FOXN3: variants seen among roughly 807,000 people sequenced by gnomAD.
FOXN3 encodes forkhead box N3.
In FOXN3, 7 loss-of-function variants were observed where a neutral mutation model predicts 38.4. The observed-to-expected ratio is 0.18, with a 90% CI of 0.10 to 0.34. The LOEUF (loss-of-function observed/expected upper bound fraction) is 0.34, where lower values mean the gene tolerates loss of function less well. Among genes scored for constraint, FOXN3 ranks in the 10% least tolerant of loss-of-function variants. The pLI, the probability that FOXN3 is intolerant of heterozygous loss-of-function variation, is 1.00. For synonymous variants in FOXN3, 230 were observed against 242.2 expected, an observed-to-expected ratio of 0.95 and a Z score of 0.47; for missense variants, 456 against 613.4, an observed-to-expected ratio of 0.74 and a Z score of 2.71.
chr14:89,257,687 C>G (rs1448805565), intron 4 of FOXN3, among the ~76,000 whole-genome samples: 2 of 152,126 alleles, frequency 1.3e-5, no homozygotes, highest in African/African-American at 2.4e-5. Context: ...GAGGTCAAGG[C>G]TACAGTGAGC....
chr14:89,487,422 T>C (rs905911372), intron 1 of FOXN3, among the ~76,000 whole-genome samples: 5 of 152,232 alleles, frequency 3.3e-5, no homozygotes, highest in African/African-American at 1.2e-4. Flanking sequence ...AGCATCAATA[T>C]TGACTGACAG....
At chr14:89,250,198 C>T (rs1885413711) in intron 4 of FOXN3, among the ~76,000 whole-genome samples, 1 of 152,224 alleles carries the variant, frequency 6.6e-6, no homozygotes, top group African/African-American at 2.4e-5. Context: ...GTAGCCTTGA[C>T]TTCCTGGGCT....
intron 1 of FOXN3, among the ~76,000 whole-genome samples, chr14:89,468,291 T>C (rs144740084): frequency 0.017 from 2,543 of 152,026 alleles, 60 homozygotes; most frequent in African/African-American, 0.058. Flanking sequence ...CCGTCTCTAC[T>C]GAAAATACAA....
intron 2 of FOXN3, among the ~76,000 whole-genome samples, chr14:89,357,126 G>A (rs1365495433): frequency 6.6e-6 from 1 of 152,142 alleles, no homozygotes; most frequent in African/African-American, 2.4e-5. Context: ...CAAGGCAGAA[G>A]GACAGCATGA....
intron 5 of FOXN3, among the ~76,000 whole-genome samples, chr14:89,174,841 C>T (rs1406555363): frequency 6.6e-6 from 1 of 152,138 alleles, no homozygotes; most frequent in East Asian, 1.9e-4. Context: ...CCTCCCACTA[C>T]AAAGCAAAAT....
chr14:89,364,262 GAAA>G (rs11368675), intron 2 of FOXN3: 6 of 145,966 alleles, frequency 4.1e-5, no homozygotes, highest in Non-Finnish European at 9.0e-5. Context: ...GATTAAAAAA[GAAA>G]AAAAAAAGAT....
At chr14:89,589,223 G>A (rs946078535) in intron 1 of FOXN3, among the ~76,000 whole-genome samples, 13 of 152,194 alleles carry the variant, frequency 8.5e-5, no homozygotes, top group Middle Eastern at 3.4e-3. Context: ...GCCCTTGTAT[G>A]AGATGATGTG....
chr14:89,451,398 G>A (rs1352599564), intron 1 of FOXN3, among the ~76,000 whole-genome samples: 1 of 152,174 alleles, frequency 6.6e-6, no homozygotes, highest in Non-Finnish European at 1.5e-5. Flanking sequence ...CAGGGCTCTA[G>A]CTCTAAAAAT....
chr14:89,453,559 C>CAAAAAAAAAAAAAAAAAAAAA, intron 1 of FOXN3, among the ~76,000 whole-genome samples: 1 of 72,752 alleles, frequency 1.4e-5, no homozygotes, highest in Non-Finnish European at 2.5e-5. Flanking sequence ...GACTCCGTCT[C>CAAAAAAAAAAAAAAAAAAAAA]AAAAAAAAAA....
intron 4 of FOXN3, among the ~76,000 whole-genome samples, chr14:89,193,281 C>G (rs964564548): frequency 2.4e-4 from 36 of 151,792 alleles, no homozygotes; most frequent in African/African-American, 8.5e-4. Flanking sequence ...GGAGTCTTTT[C>G]CTATTTATAT....
At chr14:89,408,534 G>A (rs530748507) in intron 2 of FOXN3, among the ~76,000 whole-genome samples, 1 of 150,714 alleles carries the variant, frequency 6.6e-6, no homozygotes, top group African/African-American at 2.4e-5. Context: ...GATTACAGGT[G>A]TGAGTCACCG....
intron 3 of FOXN3, among the ~76,000 whole-genome samples, chr14:89,329,337 T>C (rs1390670679): frequency 6.6e-6 from 1 of 152,132 alleles, no homozygotes; most frequent in Admixed American, 6.5e-5. Flanking sequence ...ATGGAAAAAG[T>C]CCTCAACATT....
chr14:89,353,145 A>C (rs1206681078), intron 2 of FOXN3, among the ~76,000 whole-genome samples: 1 of 152,218 alleles, frequency 6.6e-6, no homozygotes, highest in Non-Finnish European at 1.5e-5. Flanking sequence ...ACGTTTCCTG[A>C]GTGGCCCTGC....
At chr14:89,586,376 C>A (rs1452751216) in intron 1 of FOXN3, among the ~76,000 whole-genome samples, 1 of 152,140 alleles carries the variant, frequency 6.6e-6, no homozygotes, top group Non-Finnish European at 1.5e-5. Flanking sequence ...GCACTTCTCA[C>A]AGTAGAAACC....
chr14:89,604,449 G>C (rs1320278985), intron 1 of FOXN3, among the ~76,000 whole-genome samples: 1 of 152,174 alleles, frequency 6.6e-6, no homozygotes, highest in Non-Finnish European at 1.5e-5. Flanking sequence ...AGATAGATTA[G>C]ACACAGGAAA....
chr14:89,458,435 A>C lies in FOXN3; in HGVS notation c.-14-45945T>G, dbSNP rs535644363. ...GGACTTCATTTCCTGGGATTAGCAC[A>C]TTGTGCTCCCTCAAAACTCAGCATG... On this transcript the variant is annotated intron_variant, in intron 1 of 6. Coordinates refer to the FOXN3 transcript ENST00000345097. Among the ~76,000 whole-genome samples, 69 of 152,248 alleles carry C rather than the reference A, an allele frequency of 4.5e-4. 1 individual carries two copies. The highest frequency in any genetic ancestry group is 9.8e-4 in the Admixed American group (15 of 15,288).
chr14:89,375,496 G>A (rs75043321), intron 2 of FOXN3, among the ~76,000 whole-genome samples: 2,127 of 152,188 alleles, frequency 0.014, 65 homozygotes, highest in African/African-American at 0.049. Context: ...GAACTACAAA[G>A]AAATATTGTT....
At chr14:89,526,623 A>C (rs1894437781) in intron 1 of FOXN3, among the ~76,000 whole-genome samples, 1 of 152,210 alleles carries the variant, frequency 6.6e-6, no homozygotes, top group Non-Finnish European at 1.5e-5. Context: ...AAGCGGAGCA[A>C]TATACTATGT....
Position 89,412,390 on chromosome 14 carries a change from G to T in FOXN3, c.87C>A (p.Ser29Arg). 6.2e-7 allele frequency: 1 copy of T among 1,614,120 alleles called. No individual in the cohort carries two copies. The highest frequency in any genetic ancestry group is 8.5e-7 in the Non-Finnish European group (1 of 1,180,008). ...SSGLSQCYGG[S>R]GFSKALQEDD... ...CTTCCTGAAGGGCCTTGGAGAAACCGCTGCCCCCGTAACACTGACTCAGTC... is the reference window on the plus strand; with the variant it reads ...CTTCCTGAAGGGCCTTGGAGAAACCTCTGCCCCCGTAACACTGACTCAGTC... The change falls in exon 2 of 6, where the codon AGC becomes AGA. Residue 29 changes from serine (S) to arginine (R), a missense_variant. By Grantham distance (110) the Ser-to-Arg change is moderately radical. Coordinates refer to ENST00000557258, the MANE Select transcript of FOXN3 (RefSeq NM_005197.4). This position sits in a 1 kb window ranked among gnomAD's most constrained non-coding sequence, Gnocchi z 4.7.
Sources: gnomAD v4.1 joint callset for allele counts (sites outside exome capture counted in the v4.1 genomes callset) on GRCh38, gnomAD v4.1.1 for gene constraint, Gnocchi (gnomAD v3.1) non-coding constraint, MANE v1.5 for transcripts, NCBI Gene and HGNC (gene_info 2026-07-23, HGNC 2026-07-21) for gene names.